FAM174B: variants seen among roughly 807,000 people sequenced by gnomAD.
FAM174B encodes membrane protein FAM174B.
In FAM174B, 12 loss-of-function variants were observed where a neutral mutation model predicts 10.9. The ratio of observed to expected loss-of-function variants is 1.10; its 90% CI spans 0.71 to 1.79. The LOEUF (loss-of-function observed/expected upper bound fraction) is 1.79, where lower values mean the gene tolerates loss of function less well. FAM174B is among the 40% of genes most tolerant of loss of function. The pLI is 0.00. For missense variants in FAM174B, 266 were observed against 233.3 expected (o/e 1.14, Z -0.91); for synonymous variants, 132 against 115.8 (o/e 1.14, Z -0.90).
In FAM174B at chr15:92,652,676, G is replaced by A. The variant is rs146314925; in HGVS notation, c.344+2640C>T. Among the ~76,000 whole-genome samples the A allele has an allele frequency of 1.4e-3, 211 of 152,328 alleles. 1 individual carries two copies. The highest frequency in any genetic ancestry group is 6.8e-3 in the Middle Eastern group (2 of 294). ...ACAGATATTATTGCAATTCAGGAGC[G>A]ACAAGGTAGAAACGGCGGCAGGTGG... is the stretch of plus-strand genomic sequence containing the variant. On this transcript the variant is annotated intron_variant, in intron 1 of 2. Coordinates refer to ENST00000327355, the MANE Select transcript of FAM174B (RefSeq NM_207446.3).
intron 1 of FAM174B, among the ~76,000 whole-genome samples, chr15:92,633,226 CTT>C (rs1174896053): frequency 2.6e-5 from 4 of 152,290 alleles, no homozygotes; most frequent in East Asian, 3.9e-4. Flanking sequence ...CGCGAGATCT[CTT>C]TGTCTTCAGC....
intron 1 of FAM174B, among the ~76,000 whole-genome samples, chr15:92,644,808 G>C (rs2050915231): frequency 6.6e-6 from 1 of 152,242 alleles, no homozygotes; most frequent in South Asian, 2.1e-4. Flanking sequence ...ACCCTGCCCA[G>C]CCTAGGTGGA....
At chr15:92,644,511 C>G (rs1213081830) in intron 1 of FAM174B, among the ~76,000 whole-genome samples, 5 of 152,166 alleles carry the variant, frequency 3.3e-5, no homozygotes, top group African/African-American at 1.2e-4. Flanking sequence ...GCAGAACCCT[C>G]CCCAACACAG....
chr15:92,652,026 G>A (rs867473878), intron 1 of FAM174B, among the ~76,000 whole-genome samples: 23 of 152,098 alleles, frequency 1.5e-4, no homozygotes, highest in African/African-American at 3.1e-4. Context: ...TTCCTACCTC[G>A]CAGGTATCCA....
intron 1 of FAM174B, among the ~76,000 whole-genome samples, chr15:92,639,734 T>C (rs1163694791): frequency 6.6e-6 from 1 of 151,980 alleles, no homozygotes; most frequent in African/African-American, 2.4e-5. Context: ...GATCTGGTGG[T>C]TTAAAAGTGG....
chr15:92,635,225 T>C (rs1383056129), intron 1 of FAM174B, among the ~76,000 whole-genome samples: 1 of 151,324 alleles, frequency 6.6e-6, no homozygotes, highest in East Asian at 1.9e-4. Flanking sequence ...CCCTGAAGAA[T>C]CCAAATACAA....
At chr15:92,640,551 C>CAAAAAAAAAAAAAAAAAA (rs60865026) in intron 1 of FAM174B, among the ~76,000 whole-genome samples, 1 of 67,668 alleles carries the variant, frequency 1.5e-5, no homozygotes, top group African/African-American at 5.7e-5. Flanking sequence ...GACTCCATCT[C>CAAAAAAAAAAAAAAAAAA]AAAAAAAAAA....
At chr15:92,644,052 A>T (rs1036938297) in intron 1 of FAM174B, among the ~76,000 whole-genome samples, 1 of 152,096 alleles carries the variant, frequency 6.6e-6, no homozygotes, top group Non-Finnish European at 1.5e-5. Context: ...TCTACGCTGC[A>T]CCTCCTCCTC....
At chr15:92,630,429 A>C in intron 1 of FAM174B, 84 bp from the exon 2 acceptor site, 1 of 1,313,316 alleles carries the variant, frequency 7.6e-7, no homozygotes, top group South Asian at 1.3e-5. Context: ...ACCCGACAGC[A>C]ACTTAGCAGC....
intron 2 of FAM174B, among the ~76,000 whole-genome samples, chr15:92,628,723 C>T (rs1052866953): frequency 3.9e-4 from 59 of 152,050 alleles, no homozygotes; most frequent in African/African-American, 1.4e-3. Context: ...GTGTGATTCA[C>T]TAACAAACTG....
Position 92,618,857 on chromosome 15 carries a change from G to T in FAM174B, c.*599C>A. ...TTTTTTTTTAAAAAAAAAAAAAAAGGAAGAAAGAAAAGGAGCCACAGACGT... is the reference window on the plus strand; with the variant it reads ...TTTTTTTTTAAAAAAAAAAAAAAAGTAAGAAAGAAAAGGAGCCACAGACGT... On this transcript the variant is annotated 3_prime_UTR_variant, in exon 3 of 3. Transcript: ENST00000327355. 1 of 192,622 alleles carries T rather than the reference G, an allele frequency of 5.2e-6. No homozygotes were observed. Among genetic ancestry groups the T allele is most frequent in the South Asian group, 1.7e-4 (1 of 6,016 alleles). The allele number at this position is 192,622 out of a possible 1,614,324, so 11.9% of individuals were successfully genotyped here. A position where few individuals can be genotyped will look rare whatever the true frequency, so the allele number is the denominator to read the frequency against.
chr15:92,642,894 A>G (rs1427402732), intron 1 of FAM174B, among the ~76,000 whole-genome samples: 1 of 152,238 alleles, frequency 6.6e-6, no homozygotes, highest in African/African-American at 2.4e-5. Flanking sequence ...TGAACCCTGA[A>G]AACACTGTAC....
At position 92,655,570 on chromosome 15, in the gene FAM174B, C is replaced by T; in HGVS notation, c.90G>A (p.Glu30=). 7.4e-7 allele frequency: 1 copy of T among 1,357,594 alleles called. No individual in the cohort carries two copies. The highest frequency in any genetic ancestry group is 9.5e-7 in the Non-Finnish European group (1 of 1,056,600). 84.1% of individuals were successfully genotyped at this position (1,357,594 alleles called of 1,614,324 possible). ...AAPAARASRA[E]SVSAPWPEPE... ...GTTCGGGCCACGGCGCGGAGACGGA[C>T]TCGGCTCTGCTGGCGCGGGCGGCGG... Residue 30 remains glutamate (E), a synonymous_variant, in exon 1 of 3, where the codon GAG becomes GAA. Transcript: ENST00000327355.
At chr15:92,630,065 A>T in intron 2 of FAM174B, 149 bp downstream of exon 2, 1 of 601,478 alleles carries the variant, frequency 1.7e-6, no homozygotes. Context: ...GACTAACACA[A>T]GATCAGAGCA....
intron 2 of FAM174B, among the ~76,000 whole-genome samples, chr15:92,621,503 C>G (rs2050719109): frequency 1.3e-5 from 2 of 151,706 alleles, no homozygotes; most frequent in South Asian, 4.2e-4. Context: ...TCCCAGCTAC[C>G]CAAGAGGCTG....
chr15:92,655,079 T>G, intron 1 of FAM174B: 1 of 395,986 alleles, frequency 2.5e-6, no homozygotes, highest in Non-Finnish European at 4.3e-6. Flanking sequence ...AACCACATAT[T>G]TATTTTATAT....
chr15:92,626,377 G>A (rs964989327), intron 2 of FAM174B, among the ~76,000 whole-genome samples: 8 of 152,184 alleles, frequency 5.3e-5, no homozygotes, highest in African/African-American at 9.6e-5. Context: ...GATTATAGGC[G>A]CGTGCCACCG....
At chr15:92,650,952 TCTC>T (rs771909200) in intron 1 of FAM174B, among the ~76,000 whole-genome samples, 36 of 152,296 alleles carry the variant, frequency 2.4e-4, no homozygotes, top group Non-Finnish European at 2.6e-4. Context: ...CCGATTTTTG[TCTC>T]CTGTCTAAAA....
chr15:92,627,069 A>G (rs999297928), intron 2 of FAM174B: 1 of 146,572 alleles, frequency 6.8e-6, no homozygotes, highest in Non-Finnish European at 1.5e-5. Context: ...ACAAAAAAAC[A>G]AAAAAAAAAC....
Sources: gnomAD v4.1 joint callset for allele counts (sites outside exome capture counted in the v4.1 genomes callset) on GRCh38, gnomAD v4.1.1 for gene constraint, MANE v1.5 for transcripts, NCBI Gene and HGNC (gene_info 2026-07-23, HGNC 2026-07-21) for gene names.